ZRANB3: variants seen among roughly 807,000 people sequenced by gnomAD.
ZRANB3 encodes the protein zinc finger RANBP2-type containing 3, also known as DNA annealing helicase and endonuclease ZRANB3.
In ZRANB3, 125 loss-of-function variants were observed where a neutral mutation model predicts 133.8. The observed-to-expected ratio is 0.93, with a 90% CI of 0.81 to 1.08. The LOEUF is 1.08. Among genes scored for constraint, ZRANB3 ranks in the 50% least tolerant of loss-of-function variants. The pLI, the probability that ZRANB3 is intolerant of heterozygous loss-of-function variation, is 0.00. For synonymous variants in ZRANB3, 387 were observed against 432.7 expected, an observed-to-expected ratio of 0.89 and a Z score of 1.31; for missense variants, 1,229 against 1,275.5, an observed-to-expected ratio of 0.96 and a Z score of 0.56.
intron 8 of ZRANB3, among the ~76,000 whole-genome samples, chr2:135,291,794 G>C (rs926031934): frequency 6.7e-6 from 1 of 148,580 alleles, no homozygotes; most frequent in Non-Finnish European, 1.5e-5. Flanking sequence ...CCCTTCCTGT[G>C]TCCATGTGTT....
At chr2:135,306,452 T>TA (rs1289528639) in intron 8 of ZRANB3, among the ~76,000 whole-genome samples, 1 of 149,980 alleles carries the variant, frequency 6.7e-6, no homozygotes, top group Non-Finnish European at 1.5e-5. Context: ...CACGCCCGGC[T>TA]AATTTTTTTT....
rs528090169 is a variant in ZRANB3, at chr2:135,296,765, C to T, written c.966+16724G>A. On this transcript the variant is annotated intron_variant, in intron 8 of 20. Coordinates refer to ENST00000264159, the MANE Select transcript of ZRANB3 (RefSeq NM_032143.4). ...TACAGATGGGTTTTTGGTGTGGATG[C>T]CCTTTCTGTTTGTTAGTTTTCCTTC... Among the ~76,000 whole-genome samples, 14 of 152,178 alleles carry T rather than the reference C, an allele frequency of 9.2e-5. No individual in the cohort carries two copies. The East Asian group carries it at 1.2e-3, about 13-fold the overall frequency.
chr2:135,212,732 T>A (rs1694147648), intron 17 of ZRANB3, among the ~76,000 whole-genome samples: 1 of 152,190 alleles, frequency 6.6e-6, no homozygotes, highest in Non-Finnish European at 1.5e-5. Context: ...AACAAATTCC[T>A]GGATAGGGAC....
At chr2:135,495,312 T>A (rs1334016124) in intron 2 of ZRANB3, among the ~76,000 whole-genome samples, 1 of 152,202 alleles carries the variant, frequency 6.6e-6, no homozygotes, top group Non-Finnish European at 1.5e-5. Flanking sequence ...TAAGAGAATG[T>A]CTTTATTTTT....
intron 2 of ZRANB3, among the ~76,000 whole-genome samples, chr2:135,434,499 T>C (rs76489023): frequency 0.03 from 4,516 of 152,324 alleles, 211 homozygotes; most frequent in African/African-American, 0.1. Flanking sequence ...AAAATGGTGA[T>C]TGATGTGCAA....
At chr2:135,337,647 G>C (rs1319072226) in intron 6 of ZRANB3, among the ~76,000 whole-genome samples, 1 of 152,138 alleles carries the variant, frequency 6.6e-6, no homozygotes, top group African/African-American at 2.4e-5. Flanking sequence ...TGGATTTATA[G>C]TTTAATCAAA....
chr2:135,353,518 T>A lies in ZRANB3; in HGVS notation c.291A>T (p.Glu97Asp). Residue 97 changes from glutamate to aspartate, a missense_variant, in exon 4 of 21, where the codon GAA becomes GAT. By Grantham distance (45) the Glu-to-Asp change is conservative. Transcript: ENST00000264159. ...TTAGCTCTGGGATCCATTTTTCAATTTCTTCTGTCCAAGGGTACCTCAGAG... is the reference window on the plus strand; with the variant it reads ...TTAGCTCTGGGATCCATTTTTCAATATCTTCTGTCCAAGGGTACCTCAGAG... ...PSSLRYPWTE[E>D]IEKWIPELSP... The A allele has an allele frequency of 6.2e-7, 1 of 1,610,514 alleles. No homozygotes were observed. Among genetic ancestry groups the A allele is most frequent in the East Asian group, 2.2e-5 (1 of 44,662 alleles).
intron 2 of ZRANB3, among the ~76,000 whole-genome samples, chr2:135,501,743 G>A (rs991983403): frequency 6.6e-6 from 1 of 152,110 alleles, no homozygotes; most frequent in Non-Finnish European, 1.5e-5. Context: ...TTGAAAAAAT[G>A]TTCTACATTC....
intron 8 of ZRANB3, among the ~76,000 whole-genome samples, chr2:135,291,092 C>T (rs1047930585): frequency 3.9e-5 from 6 of 152,122 alleles, no homozygotes; most frequent in Admixed American, 2.0e-4. Flanking sequence ...GAACTCGTGA[C>T]CTCAGGTGAT....
intron 2 of ZRANB3, among the ~76,000 whole-genome samples, chr2:135,480,119 T>G (rs1380024665): frequency 1.3e-5 from 2 of 150,884 alleles, no homozygotes; most frequent in Non-Finnish European, 2.9e-5. Context: ...TTTTTTTGTA[T>G]TTTTAGTAGA....
chr2:135,340,993 T>TG (rs60276238), intron 6 of ZRANB3, among the ~76,000 whole-genome samples: 1 of 147,006 alleles, frequency 6.8e-6, no homozygotes, highest in African/African-American at 2.7e-5. Flanking sequence ...TTAGAAATAT[T>TG]ATTTGTGTAG....
intron 2 of ZRANB3, among the ~76,000 whole-genome samples, chr2:135,392,904 A>T (rs1687307806): frequency 1.3e-5 from 2 of 151,620 alleles, no homozygotes; most frequent in East Asian, 3.9e-4. Context: ...TTTCTGAGAC[A>T]GTCTCCCTTT....
chr2:135,201,664 C>CA (rs1286669177), intron 20 of ZRANB3, among the ~76,000 whole-genome samples: 3,331 of 66,788 alleles, frequency 0.05, 112 homozygotes, highest in African/African-American at 0.15. Flanking sequence ...GACTCTGTCT[C>CA]AAAAAAAAAA....
rs1013740598 is a variant in ZRANB3, at chr2:135,489,273, A to G, written c.161+15056T>C. ...GGAACTGAACAATGAGAACACACGG[A>G]CACAGGAAGGGGAACATCACACTCG... On this transcript the variant is annotated intron_variant, in intron 2 of 20. Transcript: ENST00000264159. 3.0e-5 allele frequency among the ~76,000 whole-genome samples: 4 copies of G among 134,752 alleles called. No individual in the cohort carries two copies. In the South Asian group the frequency reaches 9.5e-4, roughly 32 times the overall value. The allele number at this position is 134,752 out of a possible 152,430, so 88.4% of individuals were successfully genotyped here.
chr2:135,451,373 C>G (rs977077643), intron 2 of ZRANB3, among the ~76,000 whole-genome samples: 2 of 151,952 alleles, frequency 1.3e-5, no homozygotes, highest in African/African-American at 4.8e-5. Context: ...AGTAGCCTGG[C>G]CAACATGGAG....
chr2:135,453,182 C>T (rs1302668577), intron 2 of ZRANB3, among the ~76,000 whole-genome samples: 1 of 152,212 alleles, frequency 6.6e-6, no homozygotes, highest in African/African-American at 2.4e-5. Flanking sequence ...CTACAGTGGC[C>T]CCTTTCAGCC....
At chr2:135,479,591 A>C (rs1243003897) in intron 2 of ZRANB3, among the ~76,000 whole-genome samples, 2 of 152,074 alleles carry the variant, frequency 1.3e-5, no homozygotes, top group Non-Finnish European at 2.9e-5. Context: ...GCTTGAATCC[A>C]GGAGGCGGAG....
At chr2:135,289,457 T>C (rs1045126293) in intron 8 of ZRANB3, among the ~76,000 whole-genome samples, 7 of 152,152 alleles carry the variant, frequency 4.6e-5, no homozygotes, top group African/African-American at 1.4e-4. Context: ...GGTTTCACCA[T>C]GTTGGCCAGG....
chr2:135,503,043 C>T (rs916842844), intron 2 of ZRANB3, among the ~76,000 whole-genome samples: 46 of 152,192 alleles, frequency 3.0e-4, no homozygotes, highest in Non-Finnish European at 6.5e-4. Context: ...AAATACAAAA[C>T]ATCAGATCAA....
Sources: allele counts gnomAD v4.1 joint callset (sites outside exome capture counted in the v4.1 genomes callset), GRCh38; gene constraint gnomAD v4.1.1; transcripts MANE v1.5; gene names NCBI Gene and HGNC (gene_info 2026-07-23, HGNC 2026-07-21).